LEKR1: variants seen among roughly 807,000 people sequenced by gnomAD.
The protein encoded by LEKR1 is leucine, glutamate and lysine rich 1, also known as protein LEKR1.
LEKR1 carries 59 observed loss-of-function variants against 72.4 expected under a neutral mutation model. The observed-to-expected ratio is 0.82, with a 90% CI of 0.66 to 1.01. The LOEUF (loss-of-function observed/expected upper bound fraction) is 1.01, where lower values mean the gene tolerates loss of function less well. Ranked by LOEUF, LEKR1 falls within the 50% of genes least tolerant of loss-of-function variation. The pLI is 0.00. For synonymous variants in LEKR1, 257 were observed against 263.2 expected, an observed-to-expected ratio of 0.98 and a Z score of 0.23; for missense variants, 728 against 759.2, an observed-to-expected ratio of 0.96 and a Z score of 0.48.
intron 6 of LEKR1, among the ~76,000 whole-genome samples, chr3:156,945,140 G>A (rs1486103030): frequency 6.6e-6 from 1 of 151,834 alleles, no homozygotes; most frequent in African/African-American, 2.4e-5. Context: ...TCTCAGTATA[G>A]TTTTGATTTG....
At chr3:156,902,308 TA>T (rs1168465531) in intron 3 of LEKR1, among the ~76,000 whole-genome samples, 1 of 152,154 alleles carries the variant, frequency 6.6e-6, no homozygotes, top group Non-Finnish European at 1.5e-5. Context: ...AAATAACTTA[TA>T]TTAATTTTTA....
At chr3:157,027,181 C>CT (rs1209119985) in intron 11 of LEKR1, among the ~76,000 whole-genome samples, 43 of 144,456 alleles carry the variant, frequency 3.0e-4, no homozygotes, top group South Asian at 4.4e-4. Context: ...ACAAATCTTG[C>CT]TTTTTTTTTT....
intron 3 of LEKR1, among the ~76,000 whole-genome samples, chr3:156,889,393 T>C (rs1560055213): frequency 6.6e-6 from 1 of 152,196 alleles, no homozygotes; most frequent in East Asian, 1.9e-4. Flanking sequence ...TGGAGGCAGT[T>C]AGAAGGAGAT....
At chr3:156,996,729 T>C (rs2108012331) in intron 9 of LEKR1, among the ~76,000 whole-genome samples, 1 of 152,200 alleles carries the variant, frequency 6.6e-6, no homozygotes, top group Admixed American at 6.5e-5. Context: ...TGGGTAGTAG[T>C]AAAATAGCCA....
chr3:156,998,002 C>T (rs79388978), intron 9 of LEKR1, among the ~76,000 whole-genome samples: 6 of 152,274 alleles, frequency 3.9e-5, no homozygotes, highest in Admixed American at 6.5e-5. Context: ...AGCTTGGTCA[C>T]GGACACACTG....
intron 12 of LEKR1, among the ~76,000 whole-genome samples, chr3:157,036,197 A>C (rs1377403575): frequency 6.6e-6 from 1 of 152,212 alleles, no homozygotes; most frequent in Non-Finnish European, 1.5e-5. Flanking sequence ...AAAATGTATA[A>C]TTAATATCCT....
intron 12 of LEKR1, among the ~76,000 whole-genome samples, chr3:157,038,061 A>G (rs1475461758): frequency 1.3e-5 from 2 of 152,236 alleles, no homozygotes; most frequent in African/African-American, 4.8e-5. Context: ...AAAGCCACCT[A>G]GGAATTTCGA....
intron 5 of LEKR1, among the ~76,000 whole-genome samples, chr3:156,930,032 G>A (rs1357242193): frequency 6.6e-6 from 1 of 152,154 alleles, no homozygotes; most frequent in Non-Finnish European, 1.5e-5. Context: ...AAGGAGTGAA[G>A]TGTGGTTTGG....
At chr3:157,000,313 G>A (rs1355079298) in intron 9 of LEKR1, among the ~76,000 whole-genome samples, 1 of 151,942 alleles carries the variant, frequency 6.6e-6, no homozygotes, top group African/African-American at 2.4e-5. Context: ...ATTGAGGCTT[G>A]TTATATTTTC....
intron 5 of LEKR1, 110 bp from the exon 6 acceptor site, chr3:156,942,419 G>A (rs77507882): frequency 3.0e-6 from 1 of 334,794 alleles, no homozygotes; most frequent in African/African-American, 2.3e-5. Flanking sequence ...TCTCAGAAAT[G>A]TCATCTTGCC....
At position 156,953,852 on chromosome 3, in the gene LEKR1, A is replaced by T. The variant is rs199542600; in HGVS notation, c.745+11138A>T. 3.9e-5 allele frequency among the ~76,000 whole-genome samples: 6 copies of T among 152,074 alleles called. No individual in the cohort carries two copies. In the East Asian group the frequency reaches 1.2e-3, roughly 29 times the overall value. Reference sequence around the variant, plus strand: ...ATATGCATGCTTGTATTTTTATACTAGAATTATTTATATTCCTCTGGGTAT... The same window carrying T: ...ATATGCATGCTTGTATTTTTATACTTGAATTATTTATATTCCTCTGGGTAT... On this transcript the variant is annotated intron_variant, in intron 6 of 12. Transcript: ENST00000356539.
intron 7 of LEKR1, among the ~76,000 whole-genome samples, chr3:156,990,212 A>G (rs1560130836): frequency 6.6e-6 from 1 of 152,080 alleles, no homozygotes; most frequent in South Asian, 2.1e-4. Flanking sequence ...ATTCCTCTCT[A>G]TTAGATTAAG....
At chr3:156,949,832 A>G (rs979932991) in intron 6 of LEKR1, among the ~76,000 whole-genome samples, 8 of 151,322 alleles carry the variant, frequency 5.3e-5, no homozygotes, top group Non-Finnish European at 1.2e-4. Context: ...TAATAGAAAT[A>G]GGCCTTTATT....
intron 12 of LEKR1, among the ~76,000 whole-genome samples, chr3:157,030,145 G>A (rs921569884): frequency 6.6e-6 from 1 of 152,166 alleles, no homozygotes; most frequent in African/African-American, 2.4e-5. Context: ...TGGTGAGAGA[G>A]AGGTGGGGGG....
intron 3 of LEKR1, among the ~76,000 whole-genome samples, chr3:156,861,071 C>T (rs931618284): frequency 1.3e-5 from 2 of 152,052 alleles, no homozygotes; most frequent in Admixed American, 6.6e-5. Flanking sequence ...AGGGTGTTGG[C>T]TTGTTGCTTC....
chr3:156,875,605 C>A (rs1273078380), intron 3 of LEKR1, among the ~76,000 whole-genome samples: 1 of 152,120 alleles, frequency 6.6e-6, no homozygotes, highest in East Asian at 1.9e-4. Flanking sequence ...AATGACTACA[C>A]CAACATCTAG....
chr3:156,952,952 C>G (rs919165571), intron 6 of LEKR1, among the ~76,000 whole-genome samples: 5 of 151,028 alleles, frequency 3.3e-5, no homozygotes, highest in Non-Finnish European at 7.4e-5. Context: ...TATTGTCAAA[C>G]AAAGAAAGGA....
chr3:157,037,963 G>C (rs1735081175), intron 12 of LEKR1, among the ~76,000 whole-genome samples: 2 of 152,294 alleles, frequency 1.3e-5, no homozygotes, highest in Admixed American at 1.3e-4. Flanking sequence ...AGCAAGGATA[G>C]TGATAGAAAC....
chr3:156,996,547 A>G (rs1347761593), intron 9 of LEKR1, among the ~76,000 whole-genome samples: 1 of 152,222 alleles, frequency 6.6e-6, no homozygotes, highest in African/African-American at 2.4e-5. Context: ...CACTGTAGAA[A>G]AATCATTCTG....
Sources: allele counts gnomAD v4.1 joint callset (sites outside exome capture counted in the v4.1 genomes callset), GRCh38; gene constraint gnomAD v4.1.1; transcripts MANE v1.5; gene names NCBI Gene and HGNC (gene_info 2026-07-23, HGNC 2026-07-21).